The following LCP2 variants were observed in gnomAD, a reference collection of about 807,000 sequenced individuals.
The protein encoded by LCP2 is lymphocyte cytosolic protein 2.
In LCP2, 29 loss-of-function variants were observed where a neutral mutation model predicts 74.5. The observed-to-expected ratio is 0.39, with a 90% CI of 0.29 to 0.53. The LOEUF (loss-of-function observed/expected upper bound fraction) is 0.53. LCP2 is among the 20% of genes least tolerant of loss of function. The pLI, the probability that LCP2 is intolerant of heterozygous loss-of-function variation, is 0.72. For synonymous variants in LCP2, 228 were observed against 229.5 expected, an observed-to-expected ratio of 0.99 and a Z score of 0.06; for missense variants, 604 against 634.6, an observed-to-expected ratio of 0.95 and a Z score of 0.52.
In LCP2 at chr5:170,256,604, A is replaced by G; in HGVS notation, c.1101-29T>C. Reference sequence around the variant, plus strand: ...AGGAGACAGAAAAAGAACAAAATTTATTTGGATTGGGGTGATGGGGCCAGA... The same window carrying G: ...AGGAGACAGAAAAAGAACAAAATTTGTTTGGATTGGGGTGATGGGGCCAGA... On this transcript the variant is annotated intron_variant, in intron 16 of 20. Transcript: ENST00000046794. The surrounding 1 kb of genome is among the most constrained non-coding windows in gnomAD (Gnocchi z 4.5). The G allele has an allele frequency of 6.4e-7, 1 of 1,568,382 alleles. No individual in the cohort carries two copies.
In LCP2 at chr5:170,246,975, G is replaced by C. The variant is rs1761313171; in HGVS notation, c.*1722C>G. On this transcript the variant is annotated 3_prime_UTR_variant, in exon 21 of 21. Coordinates refer to ENST00000046794, the MANE Select transcript of LCP2 (RefSeq NM_005565.5). ...CTTTCCACTAATAGACTTAAAATGAGCTTTGGTTTGTTTTATAAACATGAT... is the reference window on the plus strand; with the variant it reads ...CTTTCCACTAATAGACTTAAAATGACCTTTGGTTTGTTTTATAAACATGAT... 1 of 152,220 alleles carries C rather than the reference G, an allele frequency of 6.6e-6. No individual in the cohort carries two copies. Among genetic ancestry groups the C allele is most frequent in the Non-Finnish European group, 1.5e-5 (1 of 68,040 alleles). 9.4% of individuals were successfully genotyped at this position (152,220 alleles called of 1,614,324 possible). A position where few individuals can be genotyped will look rare whatever the true frequency, so the allele number is the denominator to read the frequency against.
rs189680374 is a variant in LCP2 at position 170,255,355 on chromosome 5, G to C, written c.1150+1171C>G. On this transcript the variant is annotated intron_variant, in intron 17 of 20. Coordinates refer to ENST00000046794, the MANE Select transcript of LCP2 (RefSeq NM_005565.5). ...TCTTGGAAAAAATGTTGATTCTCAG[G>C]CTATCAACTCACATTTACTAACATA... Among the ~76,000 whole-genome samples, 121 of 152,290 alleles carry C rather than the reference G, an allele frequency of 7.9e-4. 1 individual carries two copies. The highest frequency in any genetic ancestry group is 2.8e-3 in the African/African-American group (115 of 41,562).
chr5:170,262,926 G>A, intron 11 of LCP2, 41 bp downstream of exon 11: 2 of 1,614,012 alleles, frequency 1.2e-6, no homozygotes, highest in Non-Finnish European at 1.7e-6. Context: ...GACAAGATGT[G>A]AAACAAACAA....
At chr5:170,274,547 G>T (rs1222661669) in intron 5 of LCP2, among the ~76,000 whole-genome samples, 1 of 152,176 alleles carries the variant, frequency 6.6e-6, no homozygotes, top group Admixed American at 6.5e-5. Context: ...ACCAGGGGGT[G>T]GCGATGGTTC....
At position 170,256,478 on chromosome 5, in the gene LCP2, A is replaced by G. The variant is rs76690465; in HGVS notation, c.1150+48T>C. The G allele has an allele frequency of 2.5e-3, 3,698 of 1,504,560 alleles. 74 individuals are homozygous for G. The African/African-American group carries it at 0.045, about 18-fold the overall frequency. 93.2% of individuals were successfully genotyped at this position (1,504,560 alleles called of 1,614,324 possible). A position where few individuals can be genotyped will look rare whatever the true frequency, so the allele number is the denominator to read the frequency against. On this transcript the variant is annotated intron_variant, in intron 17 of 20. Coordinates refer to ENST00000046794, the MANE Select transcript of LCP2 (RefSeq NM_005565.5). The surrounding 1 kb of genome is among the most constrained non-coding windows in gnomAD (Gnocchi z 4.5). ...TTTGGGACAGGTTAGGGATCCAGTC[A>G]TAAAGGCTTGATGGCTGAAGCACGT... is the stretch of plus-strand genomic sequence containing the variant.
At chr5:170,279,774 G>A (rs1197417513) in intron 3 of LCP2, among the ~76,000 whole-genome samples, 2 of 152,242 alleles carry the variant, frequency 1.3e-5, no homozygotes. Flanking sequence ...TGATTATGAA[G>A]GGAGTGAAAC....
rs778255503 is a variant in LCP2, at chr5:170,253,174, T to G, written c.1190A>C (p.Asn397Thr). 1 of 1,611,780 alleles carries G rather than the reference T, an allele frequency of 6.2e-7. No homozygotes were observed. Among genetic ancestry groups the G allele is most frequent in the South Asian group, 1.1e-5 (1 of 90,452 alleles). Residue 397 changes from asparagine to threonine, a missense_variant, in exon 18 of 21, where the codon AAC (asparagine) becomes ACC (threonine). Coordinates refer to ENST00000046794, the MANE Select transcript of LCP2 (RefSeq NM_005565.5). Reference sequence around the variant, plus strand: ...TTTGTTTGGAAGTGGCAAGGGGAAGTTTCTGCCTTCGGCTCTGATAGGTGG... The same window carrying G: ...TTTGTTTGGAAGTGGCAAGGGGAAGGTTCTGCCTTCGGCTCTGATAGGTGG... ...NRPPIRAEGR[N>T]FPLPLPNKPR...
intron 3 of LCP2, among the ~76,000 whole-genome samples, chr5:170,286,254 C>T (rs1303748482): frequency 6.6e-6 from 1 of 152,146 alleles, no homozygotes. Flanking sequence ...ACATCAGATC[C>T]GGCTGACTAT....
chr5:170,282,147 C>T (rs1286645500), intron 3 of LCP2, among the ~76,000 whole-genome samples: 1 of 152,132 alleles, frequency 6.6e-6, no homozygotes, highest in Non-Finnish European at 1.5e-5. Flanking sequence ...GCTGAGAGAG[C>T]CTTCCTTACC....
intron 5 of LCP2, among the ~76,000 whole-genome samples, chr5:170,274,566 T>C (rs1228615253): frequency 6.6e-6 from 1 of 152,124 alleles, no homozygotes; most frequent in East Asian, 1.9e-4. Context: ...TCTCAACCTT[T>C]CTCGTGTGTA....
chr5:170,276,310 A>T (rs969662968), intron 3 of LCP2, among the ~76,000 whole-genome samples: 1 of 152,128 alleles, frequency 6.6e-6, no homozygotes, highest in African/African-American at 2.4e-5. Flanking sequence ...TCAGACCATC[A>T]TCTAGACCCA....
At chr5:170,289,534 G>A (rs1762239904) in intron 2 of LCP2, among the ~76,000 whole-genome samples, 3 of 152,200 alleles carry the variant, frequency 2.0e-5, no homozygotes. Flanking sequence ...CTGGTGAAGG[G>A]AGTCAGCCAG....
chr5:170,280,041 G>T (rs1041768470), intron 3 of LCP2, among the ~76,000 whole-genome samples: 2 of 152,158 alleles, frequency 1.3e-5, no homozygotes, highest in Non-Finnish European at 2.9e-5. Context: ...CATGCAGTAG[G>T]AATAGGCATT....
At chr5:170,274,244 A>G in intron 6 of LCP2, 57 bp downstream of exon 6, 2 of 1,580,768 alleles carry the variant, frequency 1.3e-6, no homozygotes, top group Non-Finnish European at 1.7e-6. Flanking sequence ...GCTCCTTATC[A>G]CAAAGCTGCC....
At chr5:170,292,218 G>T (rs922273343) in intron 2 of LCP2, among the ~76,000 whole-genome samples, 5 of 152,080 alleles carry the variant, frequency 3.3e-5, no homozygotes, top group Admixed American at 6.5e-5. Flanking sequence ...ACGAATAGGC[G>T]AATGAATGAA....
intron 3 of LCP2, among the ~76,000 whole-genome samples, 189 bp from the exon 4 acceptor site, chr5:170,276,049 C>T (rs948184458): frequency 3.3e-5 from 5 of 152,154 alleles, no homozygotes; most frequent in East Asian, 1.9e-4. Context: ...TCTTATTCCC[C>T]GGGCCAGACC....
At chr5:170,282,484 C>G (rs955989933) in intron 3 of LCP2, among the ~76,000 whole-genome samples, 1 of 152,104 alleles carries the variant, frequency 6.6e-6, no homozygotes, top group Non-Finnish European at 1.5e-5. Context: ...TAAATGACTT[C>G]CCCAAGGTCC....
At chr5:170,281,436 C>T (rs1021943912) in intron 3 of LCP2, among the ~76,000 whole-genome samples, 4 of 152,152 alleles carry the variant, frequency 2.6e-5, no homozygotes, top group African/African-American at 7.2e-5. Flanking sequence ...CCTGCCACCA[C>T]ACTCGGCTAA....
rs369358533 is a variant in LCP2 at position 170,267,580 on chromosome 5, T to TC, written c.622-506dup. Among the ~76,000 whole-genome samples, 1,358 of 141,130 alleles carry TC rather than the reference T, an allele frequency of 9.6e-3. 10 individuals carry two copies. Among genetic ancestry groups the TC allele is most frequent in the African/African-American group, 0.014 (530 of 37,800 alleles). The allele number at this position is 141,130 out of a possible 152,430, so 92.6% of individuals were successfully genotyped here. ...CATTCTGTCCCAGGTCCTTGTCACC[T>TC]CCCCCCCCCATACCGTCATGTTACC... is the stretch of plus-strand genomic sequence containing the variant. On this transcript the variant is annotated intron_variant, in intron 8 of 20. Coordinates refer to ENST00000046794, the MANE Select transcript of LCP2 (RefSeq NM_005565.5).
Sources: allele counts gnomAD v4.1 joint callset (sites outside exome capture counted in the v4.1 genomes callset), GRCh38; gene constraint gnomAD v4.1.1; non-coding constraint Gnocchi (gnomAD v3.1); transcripts MANE v1.5; gene names NCBI Gene and HGNC (gene_info 2026-07-23, HGNC 2026-07-21).